NKIRAS1: variants seen among roughly 807,000 people sequenced by gnomAD.
NKIRAS1 encodes NF-kappa-B inhibitor-interacting Ras-like protein 1.
NKIRAS1 carries 16 observed loss-of-function variants against 19.8 expected under a neutral mutation model. That is an observed-to-expected ratio of 0.81 (90% CI 0.55 to 1.23). The LOEUF is 1.23. Among genes scored for constraint, NKIRAS1 ranks in the 50% most tolerant of loss-of-function variants. NKIRAS1 has a pLI of 0.00. For synonymous variants in NKIRAS1, 88 were observed against 79.0 expected (o/e 1.11, Z -0.61); for missense variants, 184 against 220.0 (o/e 0.84, Z 1.04).
intron 1 of NKIRAS1, among the ~76,000 whole-genome samples, chr3:23,930,214 G>A (rs1242008956): frequency 6.6e-6 from 1 of 152,150 alleles, no homozygotes; most frequent in Non-Finnish European, 1.5e-5. Flanking sequence ...GATTCTAGAA[G>A]GGGTGGCTGA....
intron 1 of NKIRAS1, among the ~76,000 whole-genome samples, chr3:23,942,384 C>G (rs995556123): frequency 1.3e-5 from 2 of 152,140 alleles, no homozygotes; most frequent in African/African-American, 4.8e-5. Context: ...ACATTTGTTA[C>G]CACTATCGAA....
At chr3:23,925,770 C>T (rs548847015) in intron 1 of NKIRAS1, among the ~76,000 whole-genome samples, 2 of 152,186 alleles carry the variant, frequency 1.3e-5, no homozygotes, top group Non-Finnish European at 2.9e-5. Context: ...AACTCTGCAA[C>T]CAATTCATTT....
Position 23,900,832 on chromosome 3 carries a change from G to A in NKIRAS1, c.312C>T (p.Ile104=), listed in dbSNP as rs369602974. 9.3e-6 allele frequency: 15 copies of A among 1,613,278 alleles called. No individual in the cohort carries two copies. The African/African-American group carries it at 1.1e-4, about 11-fold the overall frequency. The change falls in exon 4 of 5, where the codon ATC becomes ATT. Residue 104 remains isoleucine (I), a synonymous_variant. Coordinates refer to ENST00000425478, the MANE Select transcript of NKIRAS1 (RefSeq NM_020345.4). ...CCTCTTTTTTGTCTTTGAACTTATC[G>A]ATTTCTTTCTTCAGAAGCTCCACTC... is the stretch of plus-strand genomic sequence containing the variant. ...FQRVELLKKE[I]DKFKDKKEVA...
At chr3:23,915,771 A>ACC (rs2125440584) in intron 1 of NKIRAS1, among the ~76,000 whole-genome samples, 1 of 151,964 alleles carries the variant, frequency 6.6e-6, no homozygotes, top group East Asian at 1.9e-4. Context: ...CCTGAATCAG[A>ACC]CCCCTACTCT....
rs762811877 is a variant in NKIRAS1, at chr3:23,890,129, T to A, written c.*2966A>T. On this transcript the variant is annotated 3_prime_UTR_variant, in exon 5 of 5. Transcript: ENST00000425478. ...CAGTATTCACAATGCCGTTAACTGG[T>A]GACATTGAGCTAAGGGTCACATGAA... 3.3e-4 allele frequency among the ~76,000 whole-genome samples: 50 copies of A among 152,268 alleles called. No homozygotes were observed. The highest frequency in any genetic ancestry group is 5.7e-4 in the Non-Finnish European group (39 of 68,030).
rs867474285 is a variant in NKIRAS1 at position 23,898,040 on chromosome 3, C to T, written c.336+2768G>A. 5.9e-5 allele frequency among the ~76,000 whole-genome samples: 9 copies of T among 151,942 alleles called. No homozygotes were observed. The South Asian group carries it at 6.2e-4, about 10-fold the overall frequency. The stretch of plus-strand genomic sequence containing the variant: ...GAAGCAGAAAAGCTGAGAAGCAAAG[C>T]CAAGATTTAAGTATCTAGTACGTGA... On this transcript the variant is annotated intron_variant, in intron 4 of 4. Coordinates refer to ENST00000425478, the MANE Select transcript of NKIRAS1 (RefSeq NM_020345.4).
At position 23,900,872 on chromosome 3, in the gene NKIRAS1, A is replaced by G. The variant is rs748067185; in HGVS notation, c.272T>C (p.Leu91Pro). 2 of 1,614,022 alleles carry G rather than the reference A, an allele frequency of 1.2e-6. No homozygotes were observed. The highest frequency in any genetic ancestry group is 2.2e-5 in the South Asian group (2 of 91,080). ...GFVLVYSVNN[L>P]ESFQRVELLK... Reference sequence around the variant, plus strand: ...AAGCTCCACTCTTTGAAAGGATTCAAGGTTATTCACACTGTACACAAGAAC... The same window carrying G: ...AAGCTCCACTCTTTGAAAGGATTCAGGGTTATTCACACTGTACACAAGAAC... Residue 91 changes from leucine to proline, a missense_variant, in exon 4 of 5, where the codon CTT becomes CCT. By Grantham distance (98) the Leu-to-Pro change is moderately conservative. Transcript: ENST00000425478.
rs189679457 is a variant in NKIRAS1, at chr3:23,892,024, G to C, written c.*1071C>G. On this transcript the variant is annotated 3_prime_UTR_variant, in exon 5 of 5. Coordinates refer to ENST00000425478, the MANE Select transcript of NKIRAS1 (RefSeq NM_020345.4). The stretch of plus-strand genomic sequence containing the variant: ...TTGTAAGTATCGTCTTTTATATGTA[G>C]TAGTTCTTCACTAGAGCTCATGAAA... 2 of 152,150 alleles carry C rather than the reference G, an allele frequency of 1.3e-5. No homozygotes were observed. The highest frequency in any genetic ancestry group is 4.8e-5 in the African/African-American group (2 of 41,440). 9.4% of individuals were successfully genotyped at this position (152,150 alleles called of 1,614,324 possible). A position where few individuals can be genotyped will look rare whatever the true frequency, so the allele number is the denominator to read the frequency against.
At position 23,890,216 on chromosome 3, in the gene NKIRAS1, C is replaced by T. The variant is rs188042824; in HGVS notation, c.*2879G>A. Among the ~76,000 whole-genome samples, 2 of 152,002 alleles carry T rather than the reference C, an allele frequency of 1.3e-5. No homozygotes were observed. Among genetic ancestry groups the T allele is most frequent in the African/African-American group, 4.8e-5 (2 of 41,266 alleles). On this transcript the variant is annotated 3_prime_UTR_variant, in exon 5 of 5. Transcript: ENST00000425478. Reference sequence around the variant, plus strand: ...CGTTCCAGTCTCTACTGAACTCAGCCTAACACATAAGAGTAAAGAAACTCC... The same window carrying T: ...CGTTCCAGTCTCTACTGAACTCAGCTTAACACATAAGAGTAAAGAAACTCC...
chr3:23,917,718 C>G (rs1041554905), upstream of NKIRAS1: 1 of 898,324 alleles, frequency 1.1e-6, no homozygotes, highest in Non-Finnish European at 1.7e-6. Context: ...CTAGCTGTCC[C>G]CGGCAGTTGG....
intron 1 of NKIRAS1, among the ~76,000 whole-genome samples, chr3:23,928,884 C>A (rs1417249148): frequency 6.6e-6 from 1 of 151,510 alleles, no homozygotes; most frequent in Non-Finnish European, 1.5e-5. Flanking sequence ...GTAGTCCCAG[C>A]CACTTGGTAG....
At chr3:23,944,607 C>A (rs2125274000) in intron 1 of NKIRAS1, among the ~76,000 whole-genome samples, 1 of 152,246 alleles carries the variant, frequency 6.6e-6, no homozygotes, top group South Asian at 2.1e-4. Flanking sequence ...CACGCGTACA[C>A]CCGTCTAAAA....
chr3:23,917,769 T>C, upstream of NKIRAS1: 3 of 1,378,504 alleles, frequency 2.2e-6, no homozygotes, highest in Non-Finnish European at 3.0e-6. Context: ...CTTGTTTTTG[T>C]TGGGGAACTA....
intron 1 of NKIRAS1, among the ~76,000 whole-genome samples, chr3:23,933,107 TTTG>T (rs1190740549): frequency 2.6e-5 from 4 of 152,146 alleles, no homozygotes; most frequent in Admixed American, 2.6e-4. Context: ...TTGATTTTAG[TTTG>T]TTAAGACTCT....
intron 4 of NKIRAS1, among the ~76,000 whole-genome samples, chr3:23,898,679 C>T (rs67606949): frequency 0.16 from 23,921 of 151,980 alleles, 2,895 homozygotes; most frequent in African/African-American, 0.34. Flanking sequence ...CTCCTGACCT[C>T]GTGATCTGCC....
At chr3:23,895,189 A>G (rs1701862477) in intron 4 of NKIRAS1, among the ~76,000 whole-genome samples, 1 of 151,842 alleles carries the variant, frequency 6.6e-6, no homozygotes, top group African/African-American at 2.4e-5. Context: ...TATTTTTTTA[A>G]TTTTTAGAGA....
intron 3 of NKIRAS1, 29 bp downstream of exon 3, chr3:23,910,782 A>C: frequency 6.5e-7 from 1 of 1,543,240 alleles, no homozygotes; most frequent in Non-Finnish European, 9.0e-7. Flanking sequence ...CCCAGAACCT[A>C]GAGACAAACT....
At chr3:23,940,066 C>T (rs1010551847) in intron 1 of NKIRAS1, among the ~76,000 whole-genome samples, 5 of 149,110 alleles carry the variant, frequency 3.4e-5, no homozygotes, top group African/African-American at 1.2e-4. Context: ...TGCGTAGGCT[C>T]ACACCTGTAA....
chr3:23,933,619 T>C (rs1354211566), intron 1 of NKIRAS1, among the ~76,000 whole-genome samples: 1 of 152,240 alleles, frequency 6.6e-6, no homozygotes, highest in Non-Finnish European at 1.5e-5. Flanking sequence ...AAAGAATTCC[T>C]GTGCCTATCT....
Sources: allele counts gnomAD v4.1 joint callset (sites outside exome capture counted in the v4.1 genomes callset), GRCh38; gene constraint gnomAD v4.1.1; transcripts MANE v1.5; gene names NCBI Gene and HGNC (gene_info 2026-07-23, HGNC 2026-07-21).